THAP6: variants seen among roughly 807,000 people sequenced by gnomAD.
THAP6 encodes the protein THAP domain-containing protein 6.
In THAP6, 13 loss-of-function variants were observed where a neutral mutation model predicts 20.0. The ratio of observed to expected loss-of-function variants is 0.65; its 90% confidence interval spans 0.42 to 1.03. The LOEUF (loss-of-function observed/expected upper bound fraction) is 1.03, where lower values mean the gene tolerates loss of function less well. THAP6 is among the 50% of genes least tolerant of loss of function. THAP6 has a pLI of 0.00. For missense variants in THAP6, 262 were observed against 261.6 expected (o/e 1.00, Z -0.01); for synonymous variants, 93 against 92.2 (o/e 1.01, Z -0.05).
At chr4:75,514,018 G>T, upstream of THAP6, 1 of 904,592 alleles carries the variant, frequency 1.1e-6, no homozygotes, top group Non-Finnish European at 1.6e-6. Flanking sequence ...AGGTAGGAAA[G>T]GTGGGGCTTA....
intron 4 of THAP6, among the ~76,000 whole-genome samples, chr4:75,525,097 T>A (rs891742105): frequency 4.6e-5 from 7 of 152,242 alleles, no homozygotes; most frequent in African/African-American, 1.7e-4. Context: ...AATCTGATGA[T>A]GATATGCCTT....
intron 3 of THAP6, among the ~76,000 whole-genome samples, chr4:75,545,960 T>C (rs1286271059): frequency 6.6e-6 from 1 of 152,198 alleles, no homozygotes; most frequent in African/African-American, 2.4e-5. Context: ...GAACTGCGTG[T>C]GGACAGCTAG....
At chr4:75,535,536 C>G (rs963396100) in intron 2 of THAP6, among the ~76,000 whole-genome samples, 1 of 152,200 alleles carries the variant, frequency 6.6e-6, no homozygotes, top group Non-Finnish European at 1.5e-5. Context: ...CCCAGAGTTA[C>G]TCTGTAATCT....
intron 3 of THAP6, among the ~76,000 whole-genome samples, chr4:75,546,263 G>C (rs762305599): frequency 1.3e-5 from 2 of 152,126 alleles, no homozygotes; most frequent in Non-Finnish European, 2.9e-5. Flanking sequence ...CCAAAATCCC[G>C]ATGTTCAGCC....
rs1726447454 is a variant in THAP6, at chr4:75,527,359, G to T, written c.*145G>T. Reference sequence around the variant, plus strand: ...TTATGCATTATAGTTGTTATCCAAAGACTTTTTTGAAAATATGCAGAAATT... The same window carrying T: ...TTATGCATTATAGTTGTTATCCAAATACTTTTTTGAAAATATGCAGAAATT... On this transcript the variant is annotated 3_prime_UTR_variant, in exon 5 of 5. Coordinates refer to ENST00000311638, the MANE Select transcript of THAP6 (RefSeq NM_144721.6). 1 of 1,440,048 alleles carries T rather than the reference G, an allele frequency of 6.9e-7. No individual in the cohort carries two copies. Among genetic ancestry groups the T allele is most frequent in the African/African-American group, 1.4e-5 (1 of 70,084 alleles). The allele number at this position is 1,440,048 out of a possible 1,614,324, so 89.2% of individuals were successfully genotyped here.
Position 75,514,581 on chromosome 4 carries a change from A to C in THAP6, c.-21+61A>C, listed in dbSNP as rs573013368. The C allele has an allele frequency of 2.9e-4, 87 of 298,864 alleles. 2 individuals are homozygous for C. In the South Asian group the frequency reaches 7.4e-3, roughly 25 times the overall value. The allele number at this position is 298,864 out of a possible 1,614,324, so 18.5% of individuals were successfully genotyped here. A position where few individuals can be genotyped will look rare whatever the true frequency, so the allele number is the denominator to read the frequency against. On this transcript the variant is annotated intron_variant, in intron 1 of 4. Transcript: ENST00000311638. ...GCTACCCGCCCAAATCTCAGGGCGT[A>C]GTTCGGCGCGAGGTTGGCGGCAGCG...
downstream of THAP6, among the ~76,000 whole-genome samples, chr4:75,533,226 A>G (rs973689160): frequency 6.6e-6 from 1 of 152,186 alleles, no homozygotes; most frequent in African/African-American, 2.4e-5. Context: ...ACAAAGTTCC[A>G]CAGATCTCTA....
intron 2 of THAP6, among the ~76,000 whole-genome samples, chr4:75,535,166 G>A (rs963511810): frequency 6.6e-6 from 1 of 152,194 alleles, no homozygotes; most frequent in African/African-American, 2.4e-5. Flanking sequence ...ACTATCATGA[G>A]AACAGCACAG....
chr4:75,517,211 T>A lies in THAP6; in HGVS notation c.288+232T>A, dbSNP rs184806995. 1.9e-4 allele frequency: 73 copies of A among 391,820 alleles called. 1 individual carries two copies. The Admixed American group carries it at 2.6e-3, about 14-fold the overall frequency. 24.3% of individuals were successfully genotyped at this position (391,820 alleles called of 1,614,324 possible). ...TTTTGTATTTTTAGGAGAGATGGCG[T>A]TTCACCATCTTGGCCAGGCTGGTCT... On this transcript the variant is annotated intron_variant, in intron 3 of 4. Transcript: ENST00000311638.
intron 4 of THAP6, among the ~76,000 whole-genome samples, chr4:75,526,385 G>A (rs1447406938): frequency 1.3e-5 from 2 of 151,960 alleles, no homozygotes; most frequent in Non-Finnish European, 2.9e-5. Flanking sequence ...TATAAGCTAT[G>A]TCAGTGTTAT....
At chr4:75,533,484 A>G (rs775471132), downstream of THAP6, among the ~76,000 whole-genome samples, 8 of 152,096 alleles carry the variant, frequency 5.3e-5, no homozygotes, top group Non-Finnish European at 7.4e-5. Flanking sequence ...ACCCAGTTCC[A>G]AGCTTGCTTC....
intron 3 of THAP6, among the ~76,000 whole-genome samples, chr4:75,519,218 G>A (rs1046829645): frequency 1.3e-5 from 2 of 151,988 alleles, no homozygotes; most frequent in African/African-American, 4.8e-5. Flanking sequence ...TTTGCTGTAT[G>A]GTATTGCATT....
chr4:75,530,305 A>G (rs1726640015), downstream of THAP6, among the ~76,000 whole-genome samples: 1 of 152,218 alleles, frequency 6.6e-6, no homozygotes, highest in South Asian at 2.1e-4. Flanking sequence ...TGCTGCCTTT[A>G]GAACCCAAAG....
intron 3 of THAP6, among the ~76,000 whole-genome samples, chr4:75,543,964 T>C (rs1326507808): frequency 1.3e-5 from 2 of 152,210 alleles, no homozygotes; most frequent in Admixed American, 1.3e-4. Flanking sequence ...TGACTCTTCT[T>C]AGCAGTGTCC....
intron 3 of THAP6, 70 bp downstream of exon 3, chr4:75,517,049 C>A: frequency 8.6e-7 from 1 of 1,157,946 alleles, no homozygotes; most frequent in South Asian, 1.5e-5. Context: ...GATAGAGTCT[C>A]GCTCTGTCAC....
At chr4:75,515,391 G>A (rs1578254956) in intron 1 of THAP6, 42 bp from the exon 2 acceptor site, 1 of 1,561,430 alleles carries the variant, frequency 6.4e-7, no homozygotes, top group Non-Finnish European at 8.8e-7. Flanking sequence ...TTCCCCTTCA[G>A]CTTTCCGGTT....
chr4:75,529,178 T>C lies in THAP6; in HGVS notation c.*1964T>C. ...TTAGGTTTTATGGAGATGTTTTCAA[T>C]AGAGATTATTTTTCCCTCACCCTAT... On this transcript the variant is annotated 3_prime_UTR_variant, in exon 5 of 5. Transcript: ENST00000311638. 2 of 983,664 alleles carry C rather than the reference T, an allele frequency of 2.0e-6. No individual in the cohort carries two copies. The highest frequency in any genetic ancestry group is 1.7e-5 in the African/African-American group (1 of 57,316). 60.9% of individuals were successfully genotyped at this position (983,664 alleles called of 1,614,324 possible).
At chr4:75,542,191 A>C (rs1227848794) in intron 2 of THAP6, among the ~76,000 whole-genome samples, 1 of 152,184 alleles carries the variant, frequency 6.6e-6, no homozygotes, top group Non-Finnish European at 1.5e-5. Flanking sequence ...AAAGATTTTA[A>C]TTAGCTTGCC....
intron 3 of THAP6, among the ~76,000 whole-genome samples, chr4:75,520,320 A>G (rs921798360): frequency 1.3e-5 from 2 of 152,036 alleles, no homozygotes; most frequent in African/African-American, 2.4e-5. Context: ...ACACATTTCT[A>G]TAGGGTATAT....
Sources: allele counts gnomAD v4.1 joint callset (sites outside exome capture counted in the v4.1 genomes callset), GRCh38; gene constraint gnomAD v4.1.1; transcripts MANE v1.5; gene names NCBI Gene and HGNC (gene_info 2026-07-23, HGNC 2026-07-21).